ARHGAP39: variants seen among roughly 807,000 people sequenced by gnomAD.
ARHGAP39 encodes the protein rho GTPase-activating protein 39.
A neutral mutation model predicts 106.9 loss-of-function variants in ARHGAP39; 44 were observed. The ratio of observed to expected loss-of-function variants is 0.41; its 90% confidence interval spans 0.32 to 0.53. The LOEUF (loss-of-function observed/expected upper bound fraction) is 0.53, where lower values mean the gene tolerates loss of function less well. Among genes scored for constraint, ARHGAP39 ranks in the 20% least tolerant of loss-of-function variants. The pLI is 0.21. For synonymous variants in ARHGAP39, 768 were observed against 693.2 expected (o/e 1.11, Z -1.69); for missense variants, 1,496 against 1,577.3 (o/e 0.95, Z 0.87).
chr8:144,675,373 T>C (rs1021355588), intron 1 of ARHGAP39, among the ~76,000 whole-genome samples: 1 of 152,234 alleles, frequency 6.6e-6, no homozygotes, highest in Non-Finnish European at 1.5e-5. Context: ...CTTGCTGACT[T>C]CAAGAACGAA....
intron 1 of ARHGAP39, among the ~76,000 whole-genome samples, chr8:144,636,927 C>CTT (rs767842408): frequency 6.6e-6 from 1 of 152,194 alleles, no homozygotes; most frequent in Non-Finnish European, 1.5e-5. Flanking sequence ...TCCAGAACTG[C>CTT]TATTAAGAAG....
At chr8:144,532,756 G>C (rs143255077) in intron 9 of ARHGAP39, among the ~76,000 whole-genome samples, 4 of 152,328 alleles carry the variant, frequency 2.6e-5, no homozygotes, top group Non-Finnish European at 4.4e-5. Flanking sequence ...TGACAGGTGA[G>C]TCATGGGAGT....
At chr8:144,698,970 C>T in the ARHGAP39 span, 1 of 433,318 alleles carries the variant, frequency 2.3e-6, no homozygotes, top group African/African-American at 2.0e-5. Flanking sequence ...TGAGAAGGCC[C>T]CAGCCGCGTT....
chr8:144,609,268 T>A (rs562163891), intron 1 of ARHGAP39, among the ~76,000 whole-genome samples: 1 of 152,370 alleles, frequency 6.6e-6, no homozygotes, highest in East Asian at 1.9e-4. Context: ...ATACTTTTAC[T>A]GTATCTATTG....
At chr8:144,574,499 T>C (rs1027840289) in intron 3 of ARHGAP39, among the ~76,000 whole-genome samples, 1 of 151,896 alleles carries the variant, frequency 6.6e-6, no homozygotes, top group African/African-American at 2.4e-5. Flanking sequence ...TGCAACCCCA[T>C]CTCTACTAAA....
At chr8:144,568,569 A>T (rs1228584306) in intron 3 of ARHGAP39, among the ~76,000 whole-genome samples, 1 of 152,176 alleles carries the variant, frequency 6.6e-6, no homozygotes, top group Admixed American at 6.5e-5. Flanking sequence ...ATCTCTTTAA[A>T]TGATAACTGA....
At chr8:144,566,814 C>T (rs1346326528) in intron 3 of ARHGAP39, among the ~76,000 whole-genome samples, 1 of 150,586 alleles carries the variant, frequency 6.6e-6, no homozygotes, top group African/African-American at 2.4e-5. Context: ...GAGATCGTGC[C>T]ACTGCGCTCC....
At chr8:144,673,960 G>T (rs1458109170) in intron 1 of ARHGAP39, among the ~76,000 whole-genome samples, 4 of 152,238 alleles carry the variant, frequency 2.6e-5, no homozygotes, top group Non-Finnish European at 5.9e-5. Flanking sequence ...GTGGGCACCT[G>T]CATCTGGATG....
At chr8:144,675,774 C>T (rs896891040) in intron 1 of ARHGAP39, among the ~76,000 whole-genome samples, 6 of 148,978 alleles carry the variant, frequency 4.0e-5, no homozygotes, top group Non-Finnish European at 7.4e-5. Context: ...TTCGTGGTCT[C>T]GCTGGCCTCA....
intron 2 of ARHGAP39, among the ~76,000 whole-genome samples, chr8:144,588,171 C>T (rs557540371): frequency 6.6e-6 from 1 of 152,320 alleles, no homozygotes; most frequent in South Asian, 2.1e-4. Flanking sequence ...GGACTCGTTG[C>T]CCTGGGCCTG....
intron 1 of ARHGAP39, among the ~76,000 whole-genome samples, chr8:144,633,934 A>G (rs2130981729): frequency 6.6e-6 from 1 of 152,400 alleles, no homozygotes; most frequent in African/African-American, 2.4e-5. Context: ...CATGAATACA[A>G]GTTCTGCAGT....
chr8:144,623,711 A>G (rs1463222148), intron 1 of ARHGAP39, among the ~76,000 whole-genome samples: 1 of 152,240 alleles, frequency 6.6e-6, no homozygotes. Flanking sequence ...TTCACCATCC[A>G]GGGAGTGTCT....
In ARHGAP39 at chr8:144,672,405, C is replaced by T. The variant is rs12678052; in HGVS notation, c.-82+13281G>A. On this transcript the variant is annotated intron_variant, in intron 1 of 11. Coordinates refer to ENST00000377307, the MANE Select transcript of ARHGAP39 (RefSeq NM_025251.3). The stretch of plus-strand genomic sequence containing the variant: ...ATGAAGGAAGCATCAGCCACTCTGT[C>T]AGGATAGTGTTGGGGCCTCTAGTAG... Among the ~76,000 whole-genome samples the T allele has an allele frequency of 2.4e-4, 37 of 152,292 alleles. No homozygotes were observed. In the East Asian group the frequency reaches 5.6e-3, roughly 23 times the overall value.
chr8:144,547,449 G>A lies in ARHGAP39; in HGVS notation c.1637C>T (p.Ala546Val), dbSNP rs1269720659. The change falls in exon 5 of 12, where the codon GCG becomes GTG. Residue 546 changes from alanine to valine, a missense_variant. Coordinates refer to ENST00000377307, the MANE Select transcript of ARHGAP39 (RefSeq NM_025251.3). This position sits in a 1 kb window ranked among gnomAD's most constrained non-coding sequence, Gnocchi z 5.2. ...CAGGAAGGGCTCGGCCGCGCCCCGC[G>A]CCCCTTCGGCCTCACCTTCCGCTCG... is the stretch of plus-strand genomic sequence containing the variant. ...VKRAEGEAEG[A>V]RGAAEPFLAQ... 2.6e-6 allele frequency: 4 copies of A among 1,565,718 alleles called. No homozygotes were observed. Among genetic ancestry groups the A allele is most frequent in the Non-Finnish European group, 3.4e-6 (4 of 1,162,650 alleles).
In ARHGAP39 at chr8:144,666,149, G is replaced by A. The variant is rs117309198; in HGVS notation, c.-82+19537C>T. 2.6e-5 allele frequency among the ~76,000 whole-genome samples: 4 copies of A among 152,276 alleles called. No homozygotes were observed. In the East Asian group the frequency reaches 7.7e-4, roughly 29 times the overall value. ...CCCTGCTGGATTTTGAACTTGCAAG[G>A]GGCCTGTAACCCCTTTCTTTTGGCC... On this transcript the variant is annotated intron_variant, in intron 1 of 11. Transcript: ENST00000377307.
intron 1 of ARHGAP39, among the ~76,000 whole-genome samples, chr8:144,678,927 A>G (rs1228376085): frequency 6.6e-6 from 1 of 152,130 alleles, no homozygotes; most frequent in African/African-American, 2.4e-5. Flanking sequence ...CAGGAGGGAC[A>G]TGGTGCAGGT....
At chr8:144,628,316 CCAGT>C (rs1820977163) in intron 1 of ARHGAP39, among the ~76,000 whole-genome samples, 2 of 151,942 alleles carry the variant, frequency 1.3e-5, no homozygotes, top group Non-Finnish European at 2.9e-5. Context: ...TAAAAGCAAC[CCAGT>C]CATTCAAGCA....
At chr8:144,550,436 A>C (rs1430579949) in intron 4 of ARHGAP39, among the ~76,000 whole-genome samples, 1 of 152,228 alleles carries the variant, frequency 6.6e-6, no homozygotes, top group Non-Finnish European at 1.5e-5. Flanking sequence ...CCCATCTCTA[A>C]AACAAACAAC....
chr8:144,587,654 CTTTTTTT>C (rs1182233262), intron 2 of ARHGAP39, among the ~76,000 whole-genome samples: 2 of 136,084 alleles, frequency 1.5e-5, no homozygotes, highest in African/African-American at 2.7e-5. Context: ...GGCAGAGAGA[CTTTTTTT>C]TTTTTTTTTT....
Sources: gnomAD v4.1 joint callset for allele counts (sites outside exome capture counted in the v4.1 genomes callset) on GRCh38, gnomAD v4.1.1 for gene constraint, Gnocchi (gnomAD v3.1) non-coding constraint, MANE v1.5 for transcripts, NCBI Gene and HGNC (gene_info 2026-07-23, HGNC 2026-07-21) for gene names.